LRCH1: variants seen among roughly 807,000 people sequenced by gnomAD.
LRCH1 encodes leucine-rich repeat and calponin homology domain-containing protein 1.
In LRCH1, 23 loss-of-function variants were observed where a neutral mutation model predicts 94.9. That is an observed-to-expected ratio of 0.24 (90% confidence interval 0.17 to 0.34). The LOEUF (loss-of-function observed/expected upper bound fraction) is 0.34, where lower values mean the gene tolerates loss of function less well. Among genes scored for constraint, LRCH1 ranks in the 10% least tolerant of loss-of-function variants. The pLI, the probability that LRCH1 is intolerant of heterozygous loss-of-function variation, is 1.00. For synonymous variants in LRCH1, 364 were observed against 354.9 expected (o/e 1.03, Z -0.29); for missense variants, 790 against 945.9 (o/e 0.84, Z 2.16).
At chr13:46,665,827 C>T (rs1163091282) in intron 2 of LRCH1, among the ~76,000 whole-genome samples, 1 of 152,154 alleles carries the variant, frequency 6.6e-6, no homozygotes, top group South Asian at 2.1e-4. Context: ...GCCTGAGGCA[C>T]TTACTTGCTT....
chr13:46,740,911 C>G (rs565684342), intron 19 of LRCH1, among the ~76,000 whole-genome samples: 12 of 152,162 alleles, frequency 7.9e-5, no homozygotes, highest in Non-Finnish European at 1.6e-4. Context: ...AGGTCTACCC[C>G]CCCTGCCCCA....
intron 1 of LRCH1, among the ~76,000 whole-genome samples, chr13:46,625,631 G>GTTTTTTTTTTTTTTTTTTTTTTTTT (rs149512536): frequency 6.3e-5 from 8 of 126,264 alleles, no homozygotes; most frequent in Non-Finnish European, 3.3e-5. Flanking sequence ...AAATGTGTGG[G>GTTTTTTTTTTTTTTTTTTTTTTTTT]GTTTTTTTTT....
chr13:46,607,906 A>T (rs894534999), intron 1 of LRCH1, among the ~76,000 whole-genome samples: 6 of 152,118 alleles, frequency 3.9e-5, no homozygotes. Context: ...GGGGCTGTTC[A>T]TCTCTAATAT....
chr13:46,660,007 C>A (rs1304777312), intron 2 of LRCH1, among the ~76,000 whole-genome samples: 1 of 141,394 alleles, frequency 7.1e-6, no homozygotes, highest in Non-Finnish European at 1.5e-5. Context: ...TAAAGGAAGT[C>A]TCACTTTCTG....
chr13:46,635,467 C>CTTTTTTTTT (rs35362550), intron 1 of LRCH1, among the ~76,000 whole-genome samples: 1 of 96,634 alleles, frequency 1.0e-5, no homozygotes, highest in Non-Finnish European at 1.9e-5. Flanking sequence ...CCCCTCCCAC[C>CTTTTTTTTT]TTTTTTTTTT....
rs34118906 is a variant in LRCH1, at chr13:46,636,059, C to CT, written c.308-14114dup. Among the ~76,000 whole-genome samples the CT allele has an allele frequency of 9.2e-3, 678 of 73,608 alleles. 140 individuals are homozygous for CT. Among genetic ancestry groups the CT allele is most frequent in the Non-Finnish European group, 0.011 (444 of 41,016 alleles). The allele number at this position is 73,608 out of a possible 152,430, so 48.3% of individuals were successfully genotyped here. A position where few individuals can be genotyped will look rare whatever the true frequency, so the allele number is the denominator to read the frequency against. ...ACAACATCCAACTTACCATGTCAAC[C>CT]TTTTTTTTTTTTTTTTTTTTTTTTT... On this transcript the variant is annotated intron_variant, in intron 1 of 19. Transcript: ENST00000389797.
chr13:46,582,370 C>CTTTTTTTTTTTTTTTTTTTTTTTT (rs10686269), intron 1 of LRCH1, among the ~76,000 whole-genome samples: 2 of 79,598 alleles, frequency 2.5e-5, no homozygotes, highest in African/African-American at 5.1e-5. Context: ...TTGCTCTCAT[C>CTTTTTTTTTTTTTTTTTTTTTTTT]TTTTTTTTTT....
intron 1 of LRCH1, among the ~76,000 whole-genome samples, chr13:46,604,672 A>G (rs1424341945): frequency 1.3e-5 from 2 of 152,018 alleles, no homozygotes; most frequent in Non-Finnish European, 2.9e-5. Context: ...TTCTTTTTTT[A>G]TTATCCAAGG....
At chr13:46,714,579 G>T (rs1332898067) in intron 15 of LRCH1, among the ~76,000 whole-genome samples, 1 of 152,086 alleles carries the variant, frequency 6.6e-6, no homozygotes, top group Non-Finnish European at 1.5e-5. Context: ...GTTCAAATAA[G>T]AACTTAGATT....
At chr13:46,644,011 C>T (rs1313312067) in intron 1 of LRCH1, among the ~76,000 whole-genome samples, 1 of 152,180 alleles carries the variant, frequency 6.6e-6, no homozygotes. Flanking sequence ...GTGAAGATTT[C>T]ATTGCTGTAT....
At chr13:46,709,293 T>G (rs1871934870) in intron 13 of LRCH1, among the ~76,000 whole-genome samples, 1 of 152,212 alleles carries the variant, frequency 6.6e-6, no homozygotes, top group South Asian at 2.1e-4. Flanking sequence ...TATCAATCAT[T>G]CAGTCAGTTG....
At chr13:46,676,806 C>T (rs1450402301) in intron 3 of LRCH1, among the ~76,000 whole-genome samples, 1 of 152,050 alleles carries the variant, frequency 6.6e-6, no homozygotes, top group Non-Finnish European at 1.5e-5. Context: ...GAGACAGGGT[C>T]TTACTGTGTC....
chr13:46,590,913 G>A (rs553440935), intron 1 of LRCH1, among the ~76,000 whole-genome samples: 23 of 151,658 alleles, frequency 1.5e-4, no homozygotes, highest in African/African-American at 5.6e-4. Flanking sequence ...TTTTCTTTTC[G>A]ATTTCTCTTT....
chr13:46,735,820 T>A (rs1205969198), intron 19 of LRCH1, among the ~76,000 whole-genome samples: 7 of 130,444 alleles, frequency 5.4e-5, no homozygotes, highest in African/African-American at 2.0e-4. Context: ...CGAGATGGAG[T>A]CCCACTCTGT....
At chr13:46,592,990 C>A (rs2050517277) in intron 1 of LRCH1, among the ~76,000 whole-genome samples, 1 of 151,936 alleles carries the variant, frequency 6.6e-6, no homozygotes, top group South Asian at 2.1e-4. Flanking sequence ...TCCACCTGTT[C>A]AAATCCCCAT....
intron 1 of LRCH1, among the ~76,000 whole-genome samples, chr13:46,609,841 G>A (rs545809828): frequency 5.9e-5 from 9 of 152,340 alleles, no homozygotes; most frequent in Admixed American, 5.9e-4. Flanking sequence ...GCGGGGACCA[G>A]ATGGAGCCTG....
chr13:46,583,897 A>C (rs924011140), intron 1 of LRCH1, among the ~76,000 whole-genome samples: 8 of 151,940 alleles, frequency 5.3e-5, no homozygotes, highest in African/African-American at 1.9e-4. Flanking sequence ...AGTAGCTGGG[A>C]TTACAGGCGT....
At chr13:46,642,508 C>T (rs1311527764) in intron 1 of LRCH1, among the ~76,000 whole-genome samples, 3 of 152,158 alleles carry the variant, frequency 2.0e-5, no homozygotes, top group Non-Finnish European at 2.9e-5. Flanking sequence ...GGAAAAAAAG[C>T]CCCACAAATT....
chr13:46,706,029 T>G (rs568943375), intron 13 of LRCH1, among the ~76,000 whole-genome samples: 1 of 152,366 alleles, frequency 6.6e-6, no homozygotes, highest in East Asian at 1.9e-4. Flanking sequence ...AAACACCTTA[T>G]GCCCCACTGA....
Sources: allele counts gnomAD v4.1 joint callset (sites outside exome capture counted in the v4.1 genomes callset), GRCh38; gene constraint gnomAD v4.1.1; transcripts MANE v1.5; gene names NCBI Gene and HGNC (gene_info 2026-07-23, HGNC 2026-07-21).